UNC5D: variants seen among roughly 807,000 people sequenced by gnomAD.
UNC5D encodes netrin receptor UNC5D.
Under a neutral mutation model 105.4 loss-of-function variants are expected in UNC5D, and 39 were observed. The observed-to-expected ratio is 0.37, with a 90% CI of 0.29 to 0.48. The LOEUF is 0.48. Ranked by LOEUF, UNC5D falls within the 20% of genes least tolerant of loss-of-function variation. The pLI is 0.98. For synonymous variants in UNC5D, 452 were observed against 450.4 expected, an observed-to-expected ratio of 1.00 and a Z score of -0.04; for missense variants, 991 against 1,202.4, an observed-to-expected ratio of 0.82 and a Z score of 2.60.
intron 4 of UNC5D, among the ~76,000 whole-genome samples, chr8:35,660,847 A>T (rs1024274865): frequency 2.1e-4 from 32 of 152,222 alleles, no homozygotes; most frequent in Non-Finnish European, 1.5e-4. Context: ...AGAGCAAGCC[A>T]CTGTGCTCCC....
intron 1 of UNC5D, among the ~76,000 whole-genome samples, chr8:35,529,384 C>T (rs1484532535): frequency 1.4e-5 from 2 of 145,966 alleles, no homozygotes; most frequent in African/African-American, 5.3e-5. Context: ...TTTCTGAGGG[C>T]TCTGTTCTGT....
chr8:35,491,924 T>A (rs1811237396), intron 1 of UNC5D, among the ~76,000 whole-genome samples: 1 of 152,132 alleles, frequency 6.6e-6, no homozygotes, highest in African/African-American at 2.4e-5. Context: ...AGCTTTTCCT[T>A]TTGCCCATTT....
intron 13 of UNC5D, among the ~76,000 whole-genome samples, chr8:35,757,004 C>G (rs73578213): frequency 0.075 from 11,418 of 151,984 alleles, 1,168 homozygotes; most frequent in African/African-American, 0.23. Flanking sequence ...TTGTTTGTTT[C>G]TGCTTGTTTC....
At chr8:35,371,561 G>C (rs1802429808) in intron 1 of UNC5D, among the ~76,000 whole-genome samples, 1 of 152,160 alleles carries the variant, frequency 6.6e-6, no homozygotes. Flanking sequence ...GAGAAGGGAA[G>C]GACTTGGCTG....
chr8:35,464,410 C>T (rs1270638737), intron 1 of UNC5D, among the ~76,000 whole-genome samples: 1 of 152,180 alleles, frequency 6.6e-6, no homozygotes, highest in Non-Finnish European at 1.5e-5. Context: ...TACTTATTTG[C>T]TATATGTGGT....
intron 1 of UNC5D, among the ~76,000 whole-genome samples, chr8:35,242,561 T>A (rs1218434892): frequency 6.6e-6 from 1 of 152,184 alleles, no homozygotes; most frequent in Non-Finnish European, 1.5e-5. Context: ...CACTGCAACC[T>A]CTGCCTCCCA....
intron 7 of UNC5D, among the ~76,000 whole-genome samples, chr8:35,696,083 G>A (rs1826752761): frequency 1.3e-5 from 2 of 151,920 alleles, no homozygotes; most frequent in Admixed American, 6.6e-5. Context: ...TTTCTCAATG[G>A]AGTCAGGAGA....
chr8:35,440,780 G>T (rs1403213508), intron 1 of UNC5D, among the ~76,000 whole-genome samples: 1 of 151,932 alleles, frequency 6.6e-6, no homozygotes, highest in Non-Finnish European at 1.5e-5. Flanking sequence ...TAAAACATTT[G>T]TCACAAGTGA....
intron 1 of UNC5D, among the ~76,000 whole-genome samples, chr8:35,360,018 A>G (rs1337132200): frequency 3.3e-5 from 5 of 152,194 alleles, no homozygotes; most frequent in Non-Finnish European, 7.3e-5. Context: ...AGTTGCAAAA[A>G]CAGAAGAGTT....
chr8:35,765,324 G>A (rs1436733895), intron 14 of UNC5D, among the ~76,000 whole-genome samples: 5 of 152,192 alleles, frequency 3.3e-5, no homozygotes, highest in Admixed American at 3.3e-4. Flanking sequence ...CAAAGATAGA[G>A]TTCCATACTA....
intron 1 of UNC5D, among the ~76,000 whole-genome samples, chr8:35,265,403 C>T (rs1433739941): frequency 6.6e-6 from 1 of 151,956 alleles, no homozygotes; most frequent in Non-Finnish European, 1.5e-5. Context: ...TCTCTATTAC[C>T]AGCATGTCAA....
intron 4 of UNC5D, among the ~76,000 whole-genome samples, chr8:35,603,735 G>A (rs1820059378): frequency 6.6e-6 from 1 of 152,090 alleles, no homozygotes; most frequent in African/African-American, 2.4e-5. Context: ...TCCTGTATTG[G>A]GTGCATATAT....
intron 1 of UNC5D, among the ~76,000 whole-genome samples, chr8:35,511,932 G>C (rs1223436639): frequency 6.6e-6 from 1 of 152,154 alleles, no homozygotes; most frequent in Non-Finnish European, 1.5e-5. Flanking sequence ...CTATTCGAAG[G>C]TGGAGATGGT....
Position 35,763,098 on chromosome 8 carries a change from C to G in UNC5D, c.2313+3629C>G, listed in dbSNP as rs1262452278. On this transcript the variant is annotated intron_variant, in intron 14 of 16. Coordinates refer to ENST00000404895, the MANE Select transcript of UNC5D (RefSeq NM_080872.4). ...ATAAATGAAAGTGAAGATGATTGCCCTGAAAACACACTAATCACGGTGCTT... is the reference window on the plus strand; with the variant it reads ...ATAAATGAAAGTGAAGATGATTGCCGTGAAAACACACTAATCACGGTGCTT... 2.0e-5 allele frequency among the ~76,000 whole-genome samples: 3 copies of G among 152,092 alleles called. No individual in the cohort carries two copies. The East Asian group carries it at 5.8e-4, about 29-fold the overall frequency.
chr8:35,719,651 G>A (rs769389706), intron 8 of UNC5D, among the ~76,000 whole-genome samples: 1 of 152,174 alleles, frequency 6.6e-6, no homozygotes, highest in Non-Finnish European at 1.5e-5. Context: ...ATTCATCCAT[G>A]CATCCTCATT....
intron 1 of UNC5D, among the ~76,000 whole-genome samples, chr8:35,346,157 G>A (rs1348376006): frequency 6.6e-6 from 1 of 152,026 alleles, no homozygotes; most frequent in African/African-American, 2.4e-5. Flanking sequence ...GGCAAGAACT[G>A]TGAGTGGAAG....
intron 16 of UNC5D, among the ~76,000 whole-genome samples, chr8:35,780,477 G>T (rs1802453621): frequency 6.6e-6 from 1 of 152,228 alleles, no homozygotes; most frequent in African/African-American, 2.4e-5. Context: ...ATGGAGGAAG[G>T]CCCCAAGGCA....
rs572531855 is a variant in UNC5D, at chr8:35,795,435, G to A, written c.*4872G>A. The A allele has an allele frequency of 3.8e-4, 58 of 152,268 alleles. No homozygotes were observed. Among genetic ancestry groups the A allele is most frequent in the African/African-American group, 1.3e-3 (53 of 41,544 alleles). The allele number at this position is 152,268 out of a possible 1,614,324, so 9.4% of individuals were successfully genotyped here. On this transcript the variant is annotated 3_prime_UTR_variant, in exon 17 of 17. Transcript: ENST00000404895. Reference sequence around the variant, plus strand: ...TTCTCTTAAATTTTCATTTCTGTAGGTGGAGATTTAACTATGGTTCTGGTG... The same window carrying A: ...TTCTCTTAAATTTTCATTTCTGTAGATGGAGATTTAACTATGGTTCTGGTG...
Position 35,682,257 on chromosome 8 carries a change from T to C in UNC5D, c.571-1290T>C, listed in dbSNP as rs115613937. On this transcript the variant is annotated intron_variant, in intron 4 of 16. Transcript: ENST00000404895. ...GGATTACAGGCGTGAGCCACAGCACTTGGCCCAGATGACACGTTTTATTGG... is the reference window on the plus strand; with the variant it reads ...GGATTACAGGCGTGAGCCACAGCACCTGGCCCAGATGACACGTTTTATTGG... Among the ~76,000 whole-genome samples the C allele has an allele frequency of 4.6e-3, 701 of 152,336 alleles. 1 individual carries two copies. The highest frequency in any genetic ancestry group is 0.015 in the African/African-American group (609 of 41,586).
Sources: allele counts gnomAD v4.1 joint callset (sites outside exome capture counted in the v4.1 genomes callset), GRCh38; gene constraint gnomAD v4.1.1; transcripts MANE v1.5; gene names NCBI Gene and HGNC (gene_info 2026-07-23, HGNC 2026-07-21).